MB21D2: variants seen among roughly 807,000 people sequenced by gnomAD.
MB21D2 encodes nucleotidyltransferase MB21D2.
A neutral mutation model predicts 33.3 loss-of-function variants in MB21D2; 9 were observed. That is an observed-to-expected ratio of 0.27 (90% CI 0.16 to 0.47). MB21D2 has a LOEUF of 0.47. Ranked by LOEUF, MB21D2 falls within the 20% of genes least tolerant of loss-of-function variation. The pLI is 0.99. For synonymous variants in MB21D2, 241 were observed against 236.3 expected (o/e 1.02, Z -0.18); for missense variants, 540 against 624.6 (o/e 0.86, Z 1.44).
intron 1 of MB21D2, among the ~76,000 whole-genome samples, chr3:192,874,822 G>C (rs749026674): frequency 6.6e-6 from 1 of 152,094 alleles, no homozygotes; most frequent in Non-Finnish European, 1.5e-5. Flanking sequence ...TCCTCTGCAA[G>C]GTCAGTTGGG....
chr3:192,830,655 G>T (rs974504494), intron 1 of MB21D2, among the ~76,000 whole-genome samples: 3 of 152,206 alleles, frequency 2.0e-5, no homozygotes, highest in Non-Finnish European at 4.4e-5. Context: ...AGGAGTTTTG[G>T]TTGCAGTGCA....
chr3:192,891,046 G>A (rs908276414), intron 1 of MB21D2, among the ~76,000 whole-genome samples: 3 of 152,124 alleles, frequency 2.0e-5, no homozygotes, highest in Non-Finnish European at 4.4e-5. Context: ...TACCACGCAG[G>A]GGGAGACTTA....
chr3:192,869,734 G>A (rs1215252552), intron 1 of MB21D2, among the ~76,000 whole-genome samples: 1 of 152,140 alleles, frequency 6.6e-6, no homozygotes, highest in Non-Finnish European at 1.5e-5. Flanking sequence ...CAGGAAGGAA[G>A]CATATCTGCC....
chr3:192,839,981 T>C (rs1238579136), intron 1 of MB21D2, among the ~76,000 whole-genome samples: 2 of 150,960 alleles, frequency 1.3e-5, no homozygotes, highest in African/African-American at 5.0e-5. Context: ...CCACTGCAGG[T>C]AAAAAATAAA....
At chr3:192,866,494 T>C (rs1016194838) in intron 1 of MB21D2, among the ~76,000 whole-genome samples, 3 of 152,244 alleles carry the variant, frequency 2.0e-5, no homozygotes, top group African/African-American at 4.8e-5. Context: ...CAGCCCAATA[T>C]GTATGCTGTT....
At chr3:192,850,343 A>G (rs909836670) in intron 1 of MB21D2, among the ~76,000 whole-genome samples, 15 of 152,212 alleles carry the variant, frequency 9.9e-5, no homozygotes, top group African/African-American at 3.1e-4. Context: ...CTAGACAGCA[A>G]GCTCCAGCAG....
chr3:192,808,724 C>T (rs1202226381), intron 1 of MB21D2, among the ~76,000 whole-genome samples: 2 of 152,216 alleles, frequency 1.3e-5, no homozygotes, highest in Non-Finnish European at 2.9e-5. Context: ...CTATGACCAT[C>T]CAGTGTGGGC....
chr3:192,870,878 C>T (rs1713281465), intron 1 of MB21D2, among the ~76,000 whole-genome samples: 1 of 152,052 alleles, frequency 6.6e-6, no homozygotes, highest in African/African-American at 2.4e-5. Flanking sequence ...GGAATGGTTT[C>T]CTGTGGCTAT....
intron 1 of MB21D2, among the ~76,000 whole-genome samples, chr3:192,852,846 T>C (rs1231451795): frequency 1.3e-5 from 2 of 152,192 alleles, no homozygotes; most frequent in African/African-American, 4.8e-5. Flanking sequence ...TCATCCTCTG[T>C]CTGTAGCATT....
At chr3:192,804,436 C>T (rs1406993174) in intron 1 of MB21D2, among the ~76,000 whole-genome samples, 3 of 140,616 alleles carry the variant, frequency 2.1e-5, no homozygotes, top group African/African-American at 7.8e-5. Context: ...TACACACACA[C>T]ACACACACAC....
chr3:192,837,995 T>C (rs1380243986), intron 1 of MB21D2, among the ~76,000 whole-genome samples: 1 of 152,250 alleles, frequency 6.6e-6, no homozygotes, highest in African/African-American at 2.4e-5. Flanking sequence ...TCTTTTAGTT[T>C]CTGTAAGTTG....
At chr3:192,807,798 C>T (rs1711695968) in intron 1 of MB21D2, among the ~76,000 whole-genome samples, 1 of 152,138 alleles carries the variant, frequency 6.6e-6, no homozygotes. Flanking sequence ...GAGAAACATA[C>T]ACCACCCCCA....
At chr3:192,803,859 G>C (rs917143425) in intron 1 of MB21D2, among the ~76,000 whole-genome samples, 9 of 152,206 alleles carry the variant, frequency 5.9e-5, no homozygotes, top group Admixed American at 5.9e-4. Context: ...CTATGAGTGG[G>C]AACAGAAGGA....
chr3:192,816,608 C>T (rs1475252143), intron 1 of MB21D2, among the ~76,000 whole-genome samples: 2 of 152,104 alleles, frequency 1.3e-5, no homozygotes, highest in South Asian at 2.1e-4. Context: ...TGCTTCTTGC[C>T]GGTGAATTTC....
chr3:192,891,710 A>T (rs1365756918), intron 1 of MB21D2, among the ~76,000 whole-genome samples: 1 of 152,128 alleles, frequency 6.6e-6, no homozygotes, highest in Non-Finnish European at 1.5e-5. Flanking sequence ...CACCAGCTAC[A>T]TGACCTCTGG....
intron 1 of MB21D2, among the ~76,000 whole-genome samples, chr3:192,808,702 T>A (rs974700139): frequency 2.6e-5 from 4 of 152,208 alleles, no homozygotes; most frequent in Non-Finnish European, 5.9e-5. Flanking sequence ...TAACGTAGAC[T>A]TCTATAGCCA....
chr3:192,914,323 G>A (rs912527749), intron 1 of MB21D2, among the ~76,000 whole-genome samples: 2 of 152,148 alleles, frequency 1.3e-5, no homozygotes, highest in African/African-American at 2.4e-5. Context: ...ATTAACTACC[G>A]TAAAAATCAT....
intron 1 of MB21D2, among the ~76,000 whole-genome samples, chr3:192,879,820 C>G (rs1713521551): frequency 6.6e-6 from 1 of 152,134 alleles, no homozygotes; most frequent in Non-Finnish European, 1.5e-5. Flanking sequence ...ATCTTTTAAG[C>G]TTTCCCTTAA....
chr3:192,798,323 T>C lies in MB21D2; in HGVS notation c.*63A>G, dbSNP rs1261991096. On this transcript the variant is annotated 3_prime_UTR_variant, in exon 2 of 2. Transcript: ENST00000392452. This position sits in a 1 kb window ranked among gnomAD's most constrained non-coding sequence, Gnocchi z 4.8. ...ATATGTAAAAAACAGAAAGATAGCA[T>C]CACAAACCACACGACACATTATCAG... The C allele has an allele frequency of 2.6e-6, 4 of 1,547,706 alleles. No individual in the cohort carries two copies. The highest frequency in any genetic ancestry group is 3.5e-6 in the Non-Finnish European group (4 of 1,139,860).
Sources: gnomAD v4.1 joint callset for allele counts (sites outside exome capture counted in the v4.1 genomes callset) on GRCh38, gnomAD v4.1.1 for gene constraint, Gnocchi (gnomAD v3.1) non-coding constraint, MANE v1.5 for transcripts, NCBI Gene and HGNC (gene_info 2026-07-23, HGNC 2026-07-21) for gene names.